The following GNB1 variants were observed in gnomAD, a reference collection of about 807,000 sequenced individuals.
GNB1 encodes G protein subunit beta 1, also known as guanine nucleotide-binding protein G(I)/G(S)/G(T) subunit beta-1.
A neutral mutation model predicts 42.9 loss-of-function variants in GNB1; 2 were observed. The ratio of observed to expected loss-of-function variants is 0.05; its 90% CI spans 0.02 to 0.15. The LOEUF is 0.15. Ranked by LOEUF, GNB1 falls within the 10% of genes least tolerant of loss-of-function variation. GNB1 has a pLI of 1.00. For synonymous variants in GNB1, 183 were observed against 174.7 expected, an observed-to-expected ratio of 1.05 and a Z score of -0.38; for missense variants, 193 against 462.2, an observed-to-expected ratio of 0.42 and a Z score of 5.34.
chr1:1,808,873 G>A (rs1311932077), intron 5 of GNB1, among the ~76,000 whole-genome samples: 4 of 151,912 alleles, frequency 2.6e-5, no homozygotes, highest in African/African-American at 9.7e-5. Flanking sequence ...CCAACTCCTG[G>A]CCTCAAGTGA....
At position 1,890,454 on chromosome 1, in the gene GNB1, G is replaced by T. The variant is rs555912465; in HGVS notation, c.-96+366C>A. 4 of 149,124 alleles carry T rather than the reference G, an allele frequency of 2.7e-5. No individual in the cohort carries two copies. The East Asian group carries it at 8.0e-4, about 30-fold the overall frequency. The allele number at this position is 149,124 out of a possible 1,614,324, so 9.2% of individuals were successfully genotyped here. ...CTTTGTTCTCGCGCCGCGGGCCCGA[G>T]AGCCACGTCCGGCTCCCCACGCAGG... On this transcript the variant is annotated intron_variant, in intron 1 of 11. Coordinates refer to ENST00000378609, the MANE Select transcript of GNB1 (RefSeq NM_002074.5).
At chr1:1,888,594 T>C (rs950600725) in intron 1 of GNB1, among the ~76,000 whole-genome samples, 8 of 152,104 alleles carry the variant, frequency 5.3e-5, no homozygotes, top group African/African-American at 1.9e-4. Context: ...TCCCAGCACT[T>C]TGGCAGATCA....
At chr1:1,792,241 G>A (rs908224697) in intron 8 of GNB1, among the ~76,000 whole-genome samples, 3 of 152,062 alleles carry the variant, frequency 2.0e-5, no homozygotes, top group Non-Finnish European at 4.4e-5. Flanking sequence ...GAATTGTGAC[G>A]TCTGTTATTT....
At chr1:1,861,150 T>A (rs551898948) in intron 1 of GNB1, among the ~76,000 whole-genome samples, 4 of 150,392 alleles carry the variant, frequency 2.7e-5, no homozygotes, top group African/African-American at 9.8e-5. Flanking sequence ...TCCCAATCTT[T>A]GTGTCTCAGA....
At chr1:1,888,059 G>T (rs1029894054) in intron 1 of GNB1, among the ~76,000 whole-genome samples, 2 of 152,134 alleles carry the variant, frequency 1.3e-5, no homozygotes, top group Non-Finnish European at 2.9e-5. Context: ...AGATATCAAA[G>T]AAAAAACAAT....
At position 1,806,460 on chromosome 1, in the gene GNB1, T is replaced by TC. The variant is rs768589187; in HGVS notation, c.267+14dup. On this transcript the variant is annotated intron_variant, in intron 6 of 11. Transcript: ENST00000378609. ...TGGGTTGGTTTTTCAAGGAAGGGAA[T>TC]CCTCCAGTCCCTACCTTGTTGGTGG... is the stretch of plus-strand genomic sequence containing the variant. 6.5e-7 allele frequency: 1 copy of TC among 1,549,058 alleles called. No individual in the cohort carries two copies. Among genetic ancestry groups the TC allele is most frequent in the Non-Finnish European group, 8.9e-7 (1 of 1,121,418 alleles).
intron 1 of GNB1, among the ~76,000 whole-genome samples, chr1:1,839,887 G>A (rs1254441784): frequency 6.6e-6 from 1 of 151,980 alleles, no homozygotes; most frequent in Non-Finnish European, 1.5e-5. Context: ...GGGCGCGGTG[G>A]CTCACATCTG....
intron 2 of GNB1, among the ~76,000 whole-genome samples, chr1:1,826,299 C>G (rs1275677542): frequency 6.6e-6 from 1 of 152,178 alleles, no homozygotes; most frequent in Non-Finnish European, 1.5e-5. Flanking sequence ...CGCCTGTAAT[C>G]CCAACTACTT....
chr1:1,815,706 G>T, intron 5 of GNB1, 50 bp downstream of exon 5: 1 of 981,144 alleles, frequency 1.0e-6, no homozygotes. Flanking sequence ...TAGGACAACA[G>T]AGCAGCCCCT....
chr1:1,852,686 G>GAA (rs796226364), intron 1 of GNB1, among the ~76,000 whole-genome samples: 10 of 132,178 alleles, frequency 7.6e-5, no homozygotes, highest in Admixed American at 1.5e-4. Flanking sequence ...TGTCTCTTAA[G>GAA]AAAAAAAAAA....
At chr1:1,885,391 C>A (rs1383738217) in intron 1 of GNB1, among the ~76,000 whole-genome samples, 1 of 147,762 alleles carries the variant, frequency 6.8e-6, no homozygotes, top group African/African-American at 2.5e-5. Flanking sequence ...CCAGCCTGGG[C>A]AACAGGAAGG....
intron 5 of GNB1, among the ~76,000 whole-genome samples, chr1:1,813,484 A>G (rs1416327100): frequency 6.6e-6 from 1 of 152,040 alleles, no homozygotes; most frequent in African/African-American, 2.4e-5. Flanking sequence ...ATTCTTACTT[A>G]TTTACTTATT....
At chr1:1,870,974 G>A (rs1649215995) in intron 1 of GNB1, among the ~76,000 whole-genome samples, 4 of 151,994 alleles carry the variant, frequency 2.6e-5, no homozygotes. Flanking sequence ...CTCCACTGTT[G>A]CCCACATCAC....
At chr1:1,842,070 A>C (rs997860175) in intron 1 of GNB1, among the ~76,000 whole-genome samples, 4 of 151,848 alleles carry the variant, frequency 2.6e-5, no homozygotes, top group African/African-American at 9.7e-5. Flanking sequence ...CACTTTGGGA[A>C]GGTGAGGCGG....
chr1:1,816,201 T>G lies in GNB1; in HGVS notation c.97-339A>C, dbSNP rs147463827. The stretch of plus-strand genomic sequence containing the variant: ...TCTCCTCCTAGGTCTCTGAGTTCTT[T>G]GAGATCTCGCAACTCTTCTTATGAC... On this transcript the variant is annotated intron_variant, in intron 4 of 11. Transcript: ENST00000378609. Among the ~76,000 whole-genome samples the G allele has an allele frequency of 1.8e-3, 275 of 152,320 alleles. 1 individual carries two copies. The highest frequency in any genetic ancestry group is 6.5e-3 in the African/African-American group (269 of 41,574).
intron 1 of GNB1, among the ~76,000 whole-genome samples, chr1:1,855,140 C>G (rs1648201285): frequency 7.3e-6 from 1 of 137,596 alleles, no homozygotes; most frequent in South Asian, 2.4e-4. Context: ...GCCTGGGCAA[C>G]AGAGCAAGAC....
chr1:1,877,743 T>C (rs897189465), intron 1 of GNB1, among the ~76,000 whole-genome samples: 3 of 151,996 alleles, frequency 2.0e-5, no homozygotes, highest in Non-Finnish European at 2.9e-5. Flanking sequence ...AAGGATAGGA[T>C]AGATGGTGGA....
chr1:1,841,060 T>G (rs1244655042), intron 1 of GNB1, among the ~76,000 whole-genome samples: 1 of 150,862 alleles, frequency 6.6e-6, no homozygotes, highest in Non-Finnish European at 1.5e-5. Flanking sequence ...CCCAGCCAAT[T>G]TTTATATTTT....
chr1:1,865,468 C>A (rs1648883658), intron 1 of GNB1, among the ~76,000 whole-genome samples: 1 of 151,926 alleles, frequency 6.6e-6, no homozygotes, highest in East Asian at 1.9e-4. Context: ...CACCTGTAGT[C>A]CCAGCTACTC....
Sources: allele counts gnomAD v4.1 joint callset (sites outside exome capture counted in the v4.1 genomes callset), GRCh38; gene constraint gnomAD v4.1.1; transcripts MANE v1.5; gene names NCBI Gene and HGNC (gene_info 2026-07-23, HGNC 2026-07-21).